Variants in EHBP1 observed in about 807,000 individuals in gnomAD.
EHBP1 encodes the protein EH domain-binding protein 1.
EHBP1 carries 55 observed loss-of-function variants against 144.0 expected under a neutral mutation model. That is an observed-to-expected ratio of 0.38 (90% CI 0.31 to 0.48). The LOEUF (loss-of-function observed/expected upper bound fraction) is 0.48. Ranked by LOEUF, EHBP1 falls within the 20% of genes least tolerant of loss-of-function variation. The pLI is 0.98. For missense variants in EHBP1, 1,200 were observed against 1,364.2 expected, an observed-to-expected ratio of 0.88 and a Z score of 1.90; for synonymous variants, 469 against 472.7, an observed-to-expected ratio of 0.99 and a Z score of 0.10.
At chr2:62,889,047 CTTTTTTTTTTTTTTTTTTT>C (rs71410971) in intron 10 of EHBP1, among the ~76,000 whole-genome samples, 14 of 39,726 alleles carry the variant, frequency 3.5e-4, no homozygotes, top group Middle Eastern at 0.023. Flanking sequence ...GTAGGTACCT[CTTTTTTTTTTTTTTTTTTT>C]TTTTTTTTTT....
intron 10 of EHBP1, among the ~76,000 whole-genome samples, chr2:62,892,131 T>C (rs2052509594): frequency 1.3e-5 from 2 of 152,204 alleles, no homozygotes; most frequent in African/African-American, 4.8e-5. Context: ...TGCATTTACA[T>C]CACAATTTCC....
intron 2 of EHBP1, among the ~76,000 whole-genome samples, chr2:62,722,156 G>T (rs1034779079): frequency 7.3e-5 from 11 of 151,384 alleles, no homozygotes; most frequent in African/African-American, 2.7e-4. Context: ...TTGAGACAGA[G>T]TCTCACTCTA....
chr2:62,809,088 C>T (rs560767518), intron 5 of EHBP1, among the ~76,000 whole-genome samples: 44 of 152,036 alleles, frequency 2.9e-4, no homozygotes, highest in African/African-American at 9.9e-4. Flanking sequence ...GTCAGGAGTT[C>T]GAGAGCAGCC....
At chr2:62,875,934 A>AG (rs1016430943) in intron 10 of EHBP1, among the ~76,000 whole-genome samples, 1 of 152,194 alleles carries the variant, frequency 6.6e-6, no homozygotes, top group Non-Finnish European at 1.5e-5. Flanking sequence ...ACAAAAATAC[A>AG]GAAAAAAAAA....
intron 6 of EHBP1, among the ~76,000 whole-genome samples, chr2:62,829,649 A>G (rs2046647995): frequency 6.8e-6 from 1 of 146,866 alleles, no homozygotes; most frequent in Non-Finnish European, 1.5e-5. Flanking sequence ...ACTACTATAT[A>G]TACTACTATA....
intron 5 of EHBP1, among the ~76,000 whole-genome samples, chr2:62,790,164 T>A (rs149228542): frequency 2.3e-3 from 343 of 152,298 alleles, no homozygotes; most frequent in African/African-American, 7.7e-3. Flanking sequence ...TGACATTGAA[T>A]GAAATAAATG....
intron 4 of EHBP1, among the ~76,000 whole-genome samples, chr2:62,765,132 T>C (rs1016168261): frequency 2.0e-5 from 3 of 152,168 alleles, no homozygotes; most frequent in African/African-American, 7.2e-5. Context: ...TGAATTACGC[T>C]AGAAGCAATT....
intron 16 of EHBP1, among the ~76,000 whole-genome samples, chr2:62,991,492 A>G (rs1432107568): frequency 2.0e-5 from 3 of 152,202 alleles, no homozygotes; most frequent in East Asian, 1.9e-4. Flanking sequence ...GCTTCTGCCT[A>G]TATAGATGAA....
At chr2:62,976,640 G>A (rs1356027628) in intron 14 of EHBP1, among the ~76,000 whole-genome samples, 6 of 152,048 alleles carry the variant, frequency 3.9e-5, no homozygotes. Flanking sequence ...TGTTTTACAT[G>A]TTTTAGTCAG....
chr2:62,721,378 C>G (rs1168432996), intron 2 of EHBP1, among the ~76,000 whole-genome samples: 1 of 152,166 alleles, frequency 6.6e-6, no homozygotes, highest in Non-Finnish European at 1.5e-5. Context: ...TCACCTTGAT[C>G]ACTTAGTCTA....
intron 1 of EHBP1, among the ~76,000 whole-genome samples, chr2:62,687,838 A>C (rs1466557269): frequency 6.6e-6 from 1 of 152,172 alleles, no homozygotes; most frequent in African/African-American, 2.4e-5. Context: ...TATGAGGTTG[A>C]ATAGATTGAA....
intron 14 of EHBP1, among the ~76,000 whole-genome samples, chr2:62,966,389 C>T (rs1037465160): frequency 2.6e-5 from 4 of 152,156 alleles, no homozygotes; most frequent in Admixed American, 2.0e-4. Flanking sequence ...GATTAGACAG[C>T]TCATCTATCA....
chr2:63,020,979 C>CCT (rs1309798433), intron 19 of EHBP1, among the ~76,000 whole-genome samples: 2 of 88,092 alleles, frequency 2.3e-5, no homozygotes, highest in Non-Finnish European at 4.6e-5. Flanking sequence ...TGCCTGGCCT[C>CCT]ATTTTTTTTT....
chr2:62,841,735 T>C (rs1172082895), intron 7 of EHBP1, among the ~76,000 whole-genome samples: 1 of 152,188 alleles, frequency 6.6e-6, no homozygotes, highest in Non-Finnish European at 1.5e-5. Flanking sequence ...TTGGCTTCTT[T>C]TCTTTTTTCT....
intron 8 of EHBP1, among the ~76,000 whole-genome samples, chr2:62,861,052 G>C (rs1365973366): frequency 6.6e-6 from 1 of 150,478 alleles, no homozygotes; most frequent in African/African-American, 2.4e-5. Flanking sequence ...AAAATGTGTT[G>C]CAATTGTTCA....
At chr2:62,808,817 C>G (rs757447630) in intron 5 of EHBP1, among the ~76,000 whole-genome samples, 3 of 152,130 alleles carry the variant, frequency 2.0e-5, no homozygotes, top group Non-Finnish European at 2.9e-5. Flanking sequence ...TAGAGTGAGC[C>G]TTTGCCTCTG....
At chr2:62,743,987 CT>C (rs2038938815) in intron 2 of EHBP1, among the ~76,000 whole-genome samples, 1 of 151,994 alleles carries the variant, frequency 6.6e-6, no homozygotes, top group South Asian at 2.1e-4. Flanking sequence ...TAAGATGTTC[CT>C]TTTTAATGGC....
chr2:62,720,539 A>G (rs915081089), intron 2 of EHBP1, among the ~76,000 whole-genome samples: 4 of 152,200 alleles, frequency 2.6e-5, no homozygotes, highest in Non-Finnish European at 1.5e-5. Flanking sequence ...CCCTGTCTCA[A>G]AGTAACTTAA....
chr2:63,000,225 G>T (rs2059793501), intron 19 of EHBP1, among the ~76,000 whole-genome samples: 1 of 152,140 alleles, frequency 6.6e-6, no homozygotes, highest in South Asian at 2.1e-4. Flanking sequence ...ATGGGGAGGT[G>T]CCAGGGATAA....
Sources: gnomAD v4.1 joint callset for allele counts (sites outside exome capture counted in the v4.1 genomes callset) on GRCh38, gnomAD v4.1.1 for gene constraint, MANE v1.5 for transcripts, NCBI Gene and HGNC (gene_info 2026-07-23, HGNC 2026-07-21) for gene names.